The following SPATA6 variants were observed in gnomAD, a reference collection of about 807,000 sequenced individuals.
SPATA6 encodes the protein spermatogenesis associated 6.
A neutral mutation model predicts 65.3 loss-of-function variants in SPATA6; 56 were observed. The observed-to-expected ratio is 0.86, with a 90% CI of 0.69 to 1.07. The LOEUF (loss-of-function observed/expected upper bound fraction) is 1.07, where lower values mean the gene tolerates loss of function less well. SPATA6 is among the 50% of genes least tolerant of loss of function. The pLI is 0.00. For synonymous variants in SPATA6, 199 were observed against 213.2 expected, an observed-to-expected ratio of 0.93 and a Z score of 0.58; for missense variants, 590 against 594.8, an observed-to-expected ratio of 0.99 and a Z score of 0.08.
chr1:48,381,559 A>G (rs2148888107), intron 9 of SPATA6, among the ~76,000 whole-genome samples: 1 of 151,948 alleles, frequency 6.6e-6, no homozygotes, highest in Admixed American at 6.5e-5. Context: ...AGCACAAAAT[A>G]GTTTAATAGT....
chr1:48,326,698 GA>G (rs1288960511), intron 11 of SPATA6, among the ~76,000 whole-genome samples: 1 of 152,068 alleles, frequency 6.6e-6, no homozygotes, highest in East Asian at 1.9e-4. Context: ...AGATAACCCA[GA>G]AATAAAGCCA....
chr1:48,425,536 G>A (rs1653757029), intron 3 of SPATA6, among the ~76,000 whole-genome samples: 1 of 152,114 alleles, frequency 6.6e-6, no homozygotes, highest in Non-Finnish European at 1.5e-5. Context: ...AATAAACTTG[G>A]AGGCTTAAAC....
intron 11 of SPATA6, among the ~76,000 whole-genome samples, chr1:48,350,347 T>A (rs1274590573): frequency 2.0e-5 from 3 of 151,450 alleles, no homozygotes; most frequent in Non-Finnish European, 3.0e-5. Context: ...AACTCATATA[T>A]GTGATTTTAA....
At chr1:48,420,326 G>A (rs1481145952) in intron 3 of SPATA6, among the ~76,000 whole-genome samples, 1 of 152,016 alleles carries the variant, frequency 6.6e-6, no homozygotes, top group Non-Finnish European at 1.5e-5. Context: ...GTAAACATAG[G>A]TTTAAGTGTT....
chr1:48,349,001 C>T (rs979034195), intron 11 of SPATA6, among the ~76,000 whole-genome samples: 1 of 151,920 alleles, frequency 6.6e-6, no homozygotes. Flanking sequence ...GTATGAAACA[C>T]ATTTATCTAC....
intron 8 of SPATA6, among the ~76,000 whole-genome samples, chr1:48,392,043 G>A (rs1650125124): frequency 6.6e-6 from 1 of 152,066 alleles, no homozygotes; most frequent in Non-Finnish European, 1.5e-5. Context: ...TTACTAATGA[G>A]GCTGTCCATG....
At chr1:48,271,985 A>G in the SPATA6 span, among the ~76,000 whole-genome samples, 1 of 152,166 alleles carries the variant, frequency 6.6e-6, no homozygotes, top group Non-Finnish European at 1.5e-5. Context: ...CATGTCCAGT[A>G]CTTTCATGAA....
chr1:48,362,204 T>C (rs115995556), intron 9 of SPATA6, among the ~76,000 whole-genome samples: 11,711 of 151,916 alleles, frequency 0.077, 611 homozygotes, highest in East Asian at 0.23. Flanking sequence ...CAGTGAGCTA[T>C]GACTGCACCA....
At chr1:48,394,464 C>T (rs867302485) in intron 8 of SPATA6, among the ~76,000 whole-genome samples, 2 of 152,040 alleles carry the variant, frequency 1.3e-5, no homozygotes, top group Admixed American at 6.6e-5. Context: ...TTCACATAAT[C>T]TGCTATTGTG....
rs147207112 is a variant in SPATA6 at position 48,317,240 on chromosome 1, G to A, written c.1195-11362C>T. On this transcript the variant is annotated intron_variant, in intron 11 of 12. Transcript: ENST00000371847. ...AGACACATGCACACATATGTTTATC[G>A]CGGCATTATTCACAATAGCAAGACT... Among the ~76,000 whole-genome samples, 703 of 152,218 alleles carry A rather than the reference G, an allele frequency of 4.6e-3. 4 individuals carry two copies. The highest frequency in any genetic ancestry group is 0.015 in the African/African-American group (621 of 41,524).
chr1:48,349,253 A>G (rs1646451691), intron 11 of SPATA6, among the ~76,000 whole-genome samples: 1 of 151,986 alleles, frequency 6.6e-6, no homozygotes, highest in Non-Finnish European at 1.5e-5. Context: ...AGTAGTTGTC[A>G]CAGGGATGCT....
intron 11 of SPATA6, among the ~76,000 whole-genome samples, chr1:48,315,172 A>C (rs923096351): frequency 2.6e-5 from 4 of 152,218 alleles, no homozygotes; most frequent in African/African-American, 7.2e-5. Flanking sequence ...AAAAGAGGGA[A>C]TCCTCCCTAA....
intron 9 of SPATA6, among the ~76,000 whole-genome samples, chr1:48,369,447 C>T (rs1285471129): frequency 6.6e-6 from 1 of 152,224 alleles, no homozygotes; most frequent in Non-Finnish European, 1.5e-5. Flanking sequence ...AGCTTCCTGG[C>T]TCCTTTGTTT....
chr1:48,453,133 T>C lies in SPATA6; in HGVS notation c.52-2A>G. 2 of 1,607,632 alleles carry C rather than the reference T, an allele frequency of 1.2e-6. No homozygotes were observed. Among genetic ancestry groups the C allele is most frequent in the Non-Finnish European group, 1.7e-6 (2 of 1,178,032 alleles). On this transcript the variant is annotated splice_acceptor_variant, in intron 1 of 12. Coordinates refer to ENST00000371847, the MANE Select transcript of SPATA6 (RefSeq NM_019073.4). LOFTEE classifies it high-confidence loss of function. ...AAGCACGACTCCTGGGCAAGTTACC[T>C]GAAAGAAATTAGATAAAATGGATGT... is the stretch of plus-strand genomic sequence containing the variant.
intron 11 of SPATA6, among the ~76,000 whole-genome samples, chr1:48,327,397 G>A (rs996974454): frequency 6.6e-6 from 1 of 152,184 alleles, no homozygotes; most frequent in Admixed American, 6.5e-5. Context: ...CACTGTTCTT[G>A]GAAATGAAAA....
intron 9 of SPATA6, among the ~76,000 whole-genome samples, chr1:48,362,319 T>A (rs1646839436): frequency 6.6e-6 from 1 of 152,136 alleles, no homozygotes; most frequent in Non-Finnish European, 1.5e-5. Flanking sequence ...CTGTTGTTTC[T>A]AGAATATATC....
At chr1:48,316,353 G>A (rs1462561175) in intron 11 of SPATA6, among the ~76,000 whole-genome samples, 3 of 152,116 alleles carry the variant, frequency 2.0e-5, no homozygotes, top group African/African-American at 4.8e-5. Flanking sequence ...CAATGGAACA[G>A]AACAGAGCCC....
At chr1:48,268,452 C>T in the SPATA6 span, among the ~76,000 whole-genome samples, 10 of 151,972 alleles carry the variant, frequency 6.6e-5, no homozygotes, top group African/African-American at 2.4e-4. Flanking sequence ...GGCTGAGCTC[C>T]TGTAGGGTCA....
chr1:48,315,088 T>C (rs1025084666), intron 11 of SPATA6, among the ~76,000 whole-genome samples: 3 of 152,284 alleles, frequency 2.0e-5, no homozygotes, highest in Middle Eastern at 3.4e-3. Flanking sequence ...ACCAGACGGA[T>C]TCACAGCCGA....
Sources: allele counts gnomAD v4.1 joint callset (sites outside exome capture counted in the v4.1 genomes callset), GRCh38; gene constraint gnomAD v4.1.1; transcripts MANE v1.5; gene names NCBI Gene and HGNC (gene_info 2026-07-23, HGNC 2026-07-21).